MYH14: variants seen among roughly 807,000 people sequenced by gnomAD.
MYH14 encodes myosin-14.
In MYH14, 123 loss-of-function variants were observed where a neutral mutation model predicts 255.5. The observed-to-expected ratio is 0.48, with a 90% CI of 0.42 to 0.56. The LOEUF (loss-of-function observed/expected upper bound fraction) is 0.56, where lower values mean the gene tolerates loss of function less well. Among genes scored for constraint, MYH14 ranks in the 20% least tolerant of loss-of-function variants. The probability of loss-of-function intolerance (pLI) is 0.00; values close to 1 mark genes in which losing one functional copy is unlikely to be tolerated. For synonymous variants in MYH14, 1,095 were observed against 1,161.2 expected (o/e 0.94, Z 1.16); for missense variants, 2,423 against 2,802.3 (o/e 0.86, Z 3.06).
Position 50,309,779 on chromosome 19 carries a change from C to A in MYH14, c.6100C>A (p.His2034Asn). The A allele has an allele frequency of 1.3e-6, 2 of 1,573,056 alleles. No homozygotes were observed. The highest frequency in any genetic ancestry group is 2.3e-5 in the East Asian group (1 of 42,636). ...GGAGCCTGAGGGGTCCCCACCAGCC[C>A]ACCCCCAGTGACCCTACCCTGTCCC... is the stretch of plus-strand genomic sequence containing the variant. The part of the protein sequence containing the change: ...SPEPEGSPPA[H>N]PQ The change falls in exon 43 of 43, where the codon CAC (histidine) becomes AAC (asparagine). Residue 2034 changes from histidine (H) to asparagine (N), a missense_variant. Physicochemically the swap from His to Asn is moderately conservative, Grantham distance 68. Around this residue, in one of 3 missense-constraint regions of MYH14, gnomAD observed 1,513 missense variants for 1,674.8 expected, o/e 0.90. Transcript: ENST00000642316.
At chr19:50,294,486 G>C (rs1364221311) in intron 39 of MYH14, among the ~76,000 whole-genome samples, 1 of 148,642 alleles carries the variant, frequency 6.7e-6, no homozygotes, top group Non-Finnish European at 1.5e-5. Flanking sequence ...CCAAGCTGGA[G>C]TGCAGTGGTG....
Position 50,276,697 on chromosome 19 carries a change from C to T in MYH14, c.3681-60C>T. 1 of 1,610,162 alleles carries T rather than the reference C, an allele frequency of 6.2e-7. No homozygotes were observed. The highest frequency in any genetic ancestry group is 1.1e-5 in the South Asian group (1 of 90,922). On this transcript the variant is annotated intron_variant, in intron 28 of 42. Coordinates refer to ENST00000642316, the MANE Select transcript of MYH14 (RefSeq NM_001145809.2). The surrounding 1 kb of genome is among the most constrained non-coding windows in gnomAD (Gnocchi z 4.3). The stretch of plus-strand genomic sequence containing the variant: ...GAAAAGGAGAAACAACCAGCTCCCC[C>T]AAAGCCCCTGCCTTCCTCTGCTCTG...
intron 1 of MYH14, 83 bp from the exon 2 acceptor site, chr19:50,210,280 T>C (rs2032099780): frequency 7.6e-7 from 1 of 1,320,390 alleles, no homozygotes; most frequent in African/African-American, 1.5e-5. Context: ...CAGAGGTGGC[T>C]GCCTGGGGAA....
Position 50,250,469 on chromosome 19 carries a change from A to G in MYH14, c.1657-46A>G. ...AAAATCAGCAGCCACCTGAGTGTCC[A>G]ATATGTGGGGATCTGACTTACTCTC... On this transcript the variant is annotated intron_variant, in intron 14 of 42. Transcript: ENST00000642316. The surrounding 1 kb of genome is among the most constrained non-coding windows in gnomAD (Gnocchi z 5.4). 6.3e-7 allele frequency: 1 copy of G among 1,580,646 alleles called. No individual in the cohort carries two copies. The highest frequency in any genetic ancestry group is 1.1e-5 in the South Asian group (1 of 87,480).
chr19:50,273,782 C>T (rs1037891678), intron 27 of MYH14, among the ~76,000 whole-genome samples: 4 of 152,126 alleles, frequency 2.6e-5, no homozygotes, highest in Non-Finnish European at 5.9e-5. Context: ...GCTGGGATTA[C>T]AGGTGCCCGC....
At chr19:50,292,144 A>G in intron 36 of MYH14, 117 bp from the exon 37 acceptor site, 1 of 1,099,082 alleles carries the variant, frequency 9.1e-7, no homozygotes, top group Non-Finnish European at 1.2e-6. Context: ...CAGGGTTCGG[A>G]GAGTTCCCTG....
chr19:50,301,297 C>G (rs1407573870), intron 39 of MYH14, among the ~76,000 whole-genome samples: 1 of 152,104 alleles, frequency 6.6e-6, no homozygotes, highest in African/African-American at 2.4e-5. Flanking sequence ...ATTTTTTTCC[C>G]AAGCTCCCCC....
chr19:50,249,980 A>G (rs1239125515), intron 14 of MYH14, among the ~76,000 whole-genome samples, 157 bp downstream of exon 14: 3 of 152,162 alleles, frequency 2.0e-5, no homozygotes, highest in African/African-American at 7.2e-5. Context: ...ATCTTTTGTG[A>G]CCATAGGTGA....
chr19:50,306,324 G>C (rs2036653301), intron 40 of MYH14, among the ~76,000 whole-genome samples: 1 of 152,144 alleles, frequency 6.6e-6, no homozygotes, highest in South Asian at 2.1e-4. Context: ...CCACTGCTTA[G>C]TGCCTTCCCA....
chr19:50,268,338 GAGA>G lies in MYH14; in HGVS notation c.3011_3013del (p.Lys1004del). 6.3e-7 allele frequency: 1 copy of G among 1,584,240 alleles called. No individual in the cohort carries two copies. Among genetic ancestry groups the G allele is most frequent in the Non-Finnish European group, 8.6e-7 (1 of 1,166,290 alleles). On this transcript the variant is annotated inframe_deletion, in exon 24 of 43. Coordinates refer to ENST00000642316, the MANE Select transcript of MYH14 (RefSeq NM_001145809.2). ...GGAGTGCAGCCGTCAAATGCAAACC[GAGA>G]AGAAGAGGCTGCAGCAGCACATACA...
At chr19:50,273,632 G>GTGTGTGTGTGTGTGTGTGTGTGTGT (rs1568526399) in intron 27 of MYH14, among the ~76,000 whole-genome samples, 4 of 151,366 alleles carry the variant, frequency 2.6e-5, no homozygotes, top group Admixed American at 6.6e-5. Context: ...GTGTGTGTGT[G>GTGTGTGTGTGTGTGTGTGTGTGTGT]GTTAAGAACA....
In MYH14 at chr19:50,293,488, G is replaced by A. The variant is rs1384787666; in HGVS notation, c.5346-76G>A. 1 of 1,586,470 alleles carries A rather than the reference G, an allele frequency of 6.3e-7. No homozygotes were observed. The highest frequency in any genetic ancestry group is 1.8e-5 in the Admixed American group (1 of 56,282). ...GGGAGATGCGTGGGGCTAACCACAG[G>A]GTCCTGTAGTGTGAGGCAAGGCACC... On this transcript the variant is annotated intron_variant, in intron 38 of 42. Transcript: ENST00000642316. This position sits in a 1 kb window ranked among gnomAD's most constrained non-coding sequence, Gnocchi z 4.1.
At chr19:50,273,867 C>A (rs2035408836) in intron 27 of MYH14, among the ~76,000 whole-genome samples, 1 of 152,038 alleles carries the variant, frequency 6.6e-6, no homozygotes, top group Non-Finnish European at 1.5e-5. Flanking sequence ...GAACTCCCAA[C>A]CTCAGGTGAT....
At chr19:50,302,779 G>A (rs1011836133) in intron 40 of MYH14, among the ~76,000 whole-genome samples, 2 of 152,054 alleles carry the variant, frequency 1.3e-5, no homozygotes, top group African/African-American at 4.8e-5. Flanking sequence ...GCACGTGCCT[G>A]TAATCCCAGC....
At chr19:50,216,703 C>T (rs56205740) in intron 2 of MYH14, among the ~76,000 whole-genome samples, 35,697 of 151,364 alleles carry the variant, frequency 0.24, 4,953 homozygotes, top group South Asian at 0.38. Context: ...TGTTGCATTT[C>T]GGTTATTGCA....
chr19:50,260,842 TGTGC>T, intron 20 of MYH14, 127 bp downstream of exon 20: 1 of 710,980 alleles, frequency 1.4e-6, no homozygotes, highest in South Asian at 1.6e-5. Context: ...CATGCACGTG[TGTGC>T]GTGTGTGTGT....
intron 19 of MYH14, among the ~76,000 whole-genome samples, chr19:50,259,606 C>T (rs1177349787): frequency 2.0e-5 from 3 of 152,164 alleles, no homozygotes; most frequent in African/African-American, 7.2e-5. Context: ...AGGCGGGGCG[C>T]GGTGGCTCAC....
chr19:50,279,989 G>A (rs2035650999), intron 30 of MYH14, 48 bp from the exon 31 acceptor site: 1 of 1,402,202 alleles, frequency 7.1e-7, no homozygotes, highest in African/African-American at 1.4e-5. Context: ...TGGGGTCACT[G>A]GGTGGAAGCC....
At chr19:50,219,966 C>T (rs1049217474) in intron 3 of MYH14, among the ~76,000 whole-genome samples, 1 of 151,900 alleles carries the variant, frequency 6.6e-6, no homozygotes, top group Non-Finnish European at 1.5e-5. Flanking sequence ...TTTGGGAGGC[C>T]AAGGCAGGAG....
Sources: allele counts gnomAD v4.1 joint callset (sites outside exome capture counted in the v4.1 genomes callset), GRCh38; gene constraint gnomAD v4.1.1; regional missense constraint gnomAD v4.1.1; non-coding constraint Gnocchi (gnomAD v3.1); transcripts MANE v1.5; gene names NCBI Gene and HGNC (gene_info 2026-07-23, HGNC 2026-07-21).